NLRC5: variants seen among roughly 807,000 people sequenced by gnomAD.
NLRC5 encodes protein NLRC5.
Under a neutral mutation model 206.9 loss-of-function variants are expected in NLRC5, and 114 were observed. The ratio of observed to expected loss-of-function variants is 0.55; its 90% CI spans 0.47 to 0.64. NLRC5 has a LOEUF of 0.64. Ranked by LOEUF, NLRC5 falls within the 30% of genes least tolerant of loss-of-function variation. The pLI is 0.00. For missense variants in NLRC5, 2,008 were observed against 2,305.5 expected (o/e 0.87, Z 2.64); for synonymous variants, 952 against 962.8 (o/e 0.99, Z 0.21).
At chr16:56,998,917 C>T (rs2057944107) in intron 1 of NLRC5, among the ~76,000 whole-genome samples, 2 of 152,318 alleles carry the variant, frequency 1.3e-5, no homozygotes, top group East Asian at 1.9e-4. Flanking sequence ...CTCTGTGTGT[C>T]TTAGCCCATT....
At chr16:57,028,270 G>C (rs758690435) in intron 7 of NLRC5, 32 bp from the exon 8 acceptor site, 1 of 1,605,406 alleles carries the variant, frequency 6.2e-7, no homozygotes, top group African/African-American at 1.3e-5. Flanking sequence ...TCCCCTCCTC[G>C]TTCCTCCCCA....
chr16:57,028,101 T>G lies in NLRC5; in HGVS notation c.2105T>G (p.Phe702Cys). ...AAGAGCAGGAAGTGTGGGGATGCCT[T>G]TGCAGAAGCCCTCTCCAGGAGCTTG... Reference protein sequence around the residue: ...SFKSRKCGDAFAEALSRSLPT... With the variant: ...SFKSRKCGDACAEALSRSLPT... The change falls in exon 7 of 49, where the codon TTT becomes TGT. Residue 702 changes from phenylalanine (F) to cysteine (C), a missense_variant. By Grantham distance (205) the Phe-to-Cys change is radical (BLOSUM62 -2). Transcript: ENST00000688547. 6.2e-7 allele frequency: 1 copy of G among 1,613,796 alleles called. No homozygotes were observed. Among genetic ancestry groups the G allele is most frequent in the Non-Finnish European group, 8.5e-7 (1 of 1,179,846 alleles).
chr16:56,999,531 G>A (rs747486853), intron 1 of NLRC5, among the ~76,000 whole-genome samples: 46 of 152,238 alleles, frequency 3.0e-4, no homozygotes, highest in Admixed American at 4.6e-4. Flanking sequence ...TTCCTGCCAG[G>A]CCCCATGGCA....
intron 30 of NLRC5, among the ~76,000 whole-genome samples, chr16:57,061,151 C>T (rs376768689): frequency 1.2e-4 from 18 of 152,340 alleles, no homozygotes; most frequent in South Asian, 6.2e-4. Context: ...GGAGACCCTG[C>T]GGGTAAGGCA....
chr16:57,071,708 A>T (rs861082), intron 38 of NLRC5, among the ~76,000 whole-genome samples: 11 of 71,390 alleles, frequency 1.5e-4, no homozygotes, highest in Admixed American at 6.0e-4. Flanking sequence ...GTGAGTGGTG[A>T]TGGTGGTTAA....
Position 57,039,840 on chromosome 16 carries a change from C to A in NLRC5, c.2861C>A (p.Pro954His). The A allele has an allele frequency of 6.2e-7, 1 of 1,614,064 alleles. No individual in the cohort carries two copies. The highest frequency in any genetic ancestry group is 8.5e-7 in the Non-Finnish European group (1 of 1,179,950). ...CAGGAGCCAGAGGAGCAGAAGGGGC[C>A]CCAGGAGAGGTAGGGCCCGATTTCA... The part of the protein sequence containing the change: ...FAQEPEEQKG[P>H]QERAAFLDSL... The change falls in exon 16 of 49, where the codon CCC becomes CAC. Residue 954 changes from proline to histidine, a missense_variant. Transcript: ENST00000688547.
At chr16:57,049,389 G>A (rs1250967137) in intron 23 of NLRC5, among the ~76,000 whole-genome samples, 3 of 152,174 alleles carry the variant, frequency 2.0e-5, no homozygotes, top group Admixed American at 6.5e-5. Context: ...AAGGAGACTG[G>A]GATGCGGGCT....
intron 48 of NLRC5, 104 bp downstream of exon 48, chr16:57,081,714 T>C: frequency 1.0e-6 from 1 of 979,032 alleles, no homozygotes; most frequent in Non-Finnish European, 1.6e-6. Flanking sequence ...GGCTGGGGAT[T>C]ATCAAAGGAG....
intron 4 of NLRC5, among the ~76,000 whole-genome samples, chr16:57,023,367 C>T (rs1439369850): frequency 6.6e-6 from 1 of 152,022 alleles, no homozygotes; most frequent in African/African-American, 2.4e-5. Context: ...ATGATAAAAC[C>T]CTAACAGAGG....
Position 57,068,372 on chromosome 16 carries a change from A to G in NLRC5, c.4499+544A>G, listed in dbSNP as rs570877424. Among the ~76,000 whole-genome samples the G allele has an allele frequency of 1.7e-4, 26 of 151,906 alleles. No individual in the cohort carries two copies. The South Asian group carries it at 5.4e-3, about 32-fold the overall frequency. The stretch of plus-strand genomic sequence containing the variant: ...CTTGAACCCGGGAGGCTGAGGTTAC[A>G]GTGAGCCAAGATTGTGCCACTGCAC... On this transcript the variant is annotated intron_variant, in intron 36 of 48. Coordinates refer to ENST00000688547, the MANE Select transcript of NLRC5 (RefSeq NM_001384950.1).
chr16:57,013,346 ATACT>A, intron 1 of NLRC5: 1 of 631,728 alleles, frequency 1.6e-6, no homozygotes, highest in Non-Finnish European at 2.9e-6. Flanking sequence ...AGATTTTAAA[ATACT>A]TCCTTCAAAG....
At chr16:56,998,803 A>T (rs1199408335) in intron 1 of NLRC5, among the ~76,000 whole-genome samples, 1 of 152,256 alleles carries the variant, frequency 6.6e-6, no homozygotes, top group Non-Finnish European at 1.5e-5. Context: ...TCAACAAAAA[A>T]TAAGTCCCTT....
intron 1 of NLRC5, among the ~76,000 whole-genome samples, chr16:57,010,998 G>A (rs1672862): frequency 3.3e-5 from 5 of 151,934 alleles, no homozygotes; most frequent in African/African-American, 9.7e-5. Context: ...GTCCCAGCAG[G>A]CCCAGACCCC....
At chr16:57,053,035 G>A (rs1277455543) in intron 24 of NLRC5, 1 of 152,214 alleles carries the variant, frequency 6.6e-6, no homozygotes, top group Non-Finnish European at 1.5e-5. Context: ...ATTGTGTGAC[G>A]ACACAGCAGA....
chr16:57,045,199 C>G (rs189627606), intron 20 of NLRC5: 228 of 490,098 alleles, frequency 4.7e-4, no homozygotes, highest in Non-Finnish European at 6.7e-4. Flanking sequence ...AGAGCAAGAC[C>G]CTTTCTTCGA....
Position 57,079,526 on chromosome 16 carries a change from A to T in NLRC5, c.5238-20A>T. 1.2e-6 allele frequency: 2 copies of T among 1,609,360 alleles called. No individual in the cohort carries two copies. Among genetic ancestry groups the T allele is most frequent in the Non-Finnish European group, 1.7e-6 (2 of 1,175,744 alleles). ...ACTCAAACAACCCCCATCCCATCCC[A>T]TGCCCTTCTCCATCCCCAGCCTGGT... On this transcript the variant is annotated intron_variant, in intron 45 of 48. Coordinates refer to ENST00000688547, the MANE Select transcript of NLRC5 (RefSeq NM_001384950.1).
At chr16:57,082,352 A>G in intron 48 of NLRC5, 65 bp from the exon 49 acceptor site, 1 of 1,326,518 alleles carries the variant, frequency 7.5e-7, no homozygotes, top group Non-Finnish European at 1.1e-6. Flanking sequence ...CAGCCTCCCA[A>G]TCTGCAGATA....
At position 57,041,583 on chromosome 16, in the gene NLRC5, T is replaced by C; in HGVS notation, c.3029+9T>C. 1.9e-6 allele frequency: 3 copies of C among 1,612,910 alleles called. No homozygotes were observed. Among genetic ancestry groups the C allele is most frequent in the Non-Finnish European group, 1.7e-6 (2 of 1,179,062 alleles). On this transcript the variant is annotated intron_variant, in intron 18 of 48. Coordinates refer to ENST00000688547, the MANE Select transcript of NLRC5 (RefSeq NM_001384950.1). ...GGTCACCTCCACCTCGAGTGAGTGGTTTGTGTGTTGGAAGGTGGGTGGGTG... is the reference window on the plus strand; with the variant it reads ...GGTCACCTCCACCTCGAGTGAGTGGCTTGTGTGTTGGAAGGTGGGTGGGTG...
rs748054205 is a variant in NLRC5 at position 57,031,412 on chromosome 16, A to T, written c.2426A>T (p.Asp809Val). 7 of 1,613,384 alleles carry T rather than the reference A, an allele frequency of 4.3e-6. No individual in the cohort carries two copies. The highest frequency in any genetic ancestry group is 5.9e-6 in the Non-Finnish European group (7 of 1,179,820). ...TVRMLQAREA[D>V]LIFLLSPPTE... Reference sequence around the variant, plus strand: ...GGTATCTGATCCTGCAGGGAGGCGGACCTCATCTTCCTTCTTTCCCCGCCC... The same window carrying T: ...GGTATCTGATCCTGCAGGGAGGCGGTCCTCATCTTCCTTCTTTCCCCGCCC... The change falls in exon 11 of 49, where the codon GAC (aspartate) becomes GTC (valine). Residue 809 changes from aspartate to valine, a missense_variant. Transcript: ENST00000688547.
Sources: gnomAD v4.1 joint callset for allele counts (sites outside exome capture counted in the v4.1 genomes callset) on GRCh38, gnomAD v4.1.1 for gene constraint, MANE v1.5 for transcripts, NCBI Gene and HGNC (gene_info 2026-07-23, HGNC 2026-07-21) for gene names.